The following RAPGEF4 variants were observed in gnomAD, a reference collection of about 807,000 sequenced individuals.
RAPGEF4 encodes the protein Rap guanine nucleotide exchange factor 4.
RAPGEF4 carries 66 observed loss-of-function variants against 147.9 expected under a neutral mutation model. The ratio of observed to expected loss-of-function variants is 0.45; its 90% CI spans 0.37 to 0.55. RAPGEF4 has a LOEUF of 0.55. Ranked by LOEUF, RAPGEF4 falls within the 20% of genes least tolerant of loss-of-function variation. The probability of loss-of-function intolerance (pLI) is 0.00; values close to 1 mark genes in which losing one functional copy is unlikely to be tolerated. For synonymous variants in RAPGEF4, 419 were observed against 442.7 expected (o/e 0.95, Z 0.67); for missense variants, 1,071 against 1,257.3 (o/e 0.85, Z 2.24).
chr2:172,788,743 A>C (rs1227911626), intron 1 of RAPGEF4, among the ~76,000 whole-genome samples: 1 of 151,982 alleles, frequency 6.6e-6, no homozygotes, highest in Non-Finnish European at 1.5e-5. Flanking sequence ...AAAATAAAAA[A>C]ATTAGAAGAG....
At chr2:172,894,902 ATT>A (rs962756774) in intron 4 of RAPGEF4, among the ~76,000 whole-genome samples, 2 of 152,106 alleles carry the variant, frequency 1.3e-5, no homozygotes, top group African/African-American at 4.8e-5. Context: ...CGTAGTAATT[ATT>A]GCAGAATTGG....
At chr2:172,988,545 A>G (rs1692501891) in intron 13 of RAPGEF4, 148 bp from the exon 14 acceptor site, 6 of 1,097,802 alleles carry the variant, frequency 5.5e-6, no homozygotes, top group African/African-American at 1.6e-5. Flanking sequence ...TGAACATCAT[A>G]ATGTAATTAT....
chr2:172,994,598 G>T (rs1367454202), intron 15 of RAPGEF4, among the ~76,000 whole-genome samples: 2 of 152,224 alleles, frequency 1.3e-5, no homozygotes, highest in Non-Finnish European at 2.9e-5. Flanking sequence ...GACAGATGTT[G>T]CTCTCTCTAA....
intron 4 of RAPGEF4, among the ~76,000 whole-genome samples, chr2:172,882,177 T>C (rs959621914): frequency 2.6e-5 from 4 of 152,234 alleles, no homozygotes; most frequent in Non-Finnish European, 4.4e-5. Context: ...CAGCATGAAA[T>C]GCCTTGTGAT....
At chr2:172,948,929 C>T (rs1225932773) in intron 6 of RAPGEF4, among the ~76,000 whole-genome samples, 1 of 152,138 alleles carries the variant, frequency 6.6e-6, no homozygotes, top group African/African-American at 2.4e-5. Context: ...TATAACAAAC[C>T]TGCATATGTA....
chr2:172,922,218 A>T, intron 5 of RAPGEF4, 63 bp from the exon 6 acceptor site: 10 of 1,530,380 alleles, frequency 6.5e-6, no homozygotes, highest in Non-Finnish European at 9.0e-6. Flanking sequence ...CAAAATTTCA[A>T]TTCCACTTTA....
At chr2:172,863,589 A>C (rs945070691) in intron 4 of RAPGEF4, among the ~76,000 whole-genome samples, 6 of 152,248 alleles carry the variant, frequency 3.9e-5, no homozygotes, top group African/African-American at 1.4e-4. Flanking sequence ...ATGGGAGCCA[A>C]AAGATGGCTA....
At chr2:173,005,045 A>T (rs1424160477) in intron 17 of RAPGEF4, among the ~76,000 whole-genome samples, 1 of 152,268 alleles carries the variant, frequency 6.6e-6, no homozygotes, top group East Asian at 1.9e-4. Flanking sequence ...AATGACTATT[A>T]TATTAATAGA....
chr2:172,937,926 G>A (rs1473570967), intron 6 of RAPGEF4, among the ~76,000 whole-genome samples: 1 of 151,880 alleles, frequency 6.6e-6, no homozygotes, highest in Admixed American at 6.6e-5. Context: ...TCTTTCCCTT[G>A]GCTCCTGTAT....
At chr2:172,980,239 A>C (rs757790159) in intron 10 of RAPGEF4, among the ~76,000 whole-genome samples, 1 of 152,168 alleles carries the variant, frequency 6.6e-6, no homozygotes, top group Admixed American at 6.5e-5. Flanking sequence ...TCTGGTTTCC[A>C]GGAGCGTTGT....
At chr2:172,916,893 T>A (rs1008147799) in intron 4 of RAPGEF4, among the ~76,000 whole-genome samples, 4 of 152,224 alleles carry the variant, frequency 2.6e-5, no homozygotes, top group Non-Finnish European at 4.4e-5. Flanking sequence ...ATTCTTTTGA[T>A]GCTATTTAAC....
intron 4 of RAPGEF4, among the ~76,000 whole-genome samples, chr2:172,836,013 G>C (rs1690885777): frequency 6.6e-6 from 1 of 152,086 alleles, no homozygotes; most frequent in Admixed American, 6.5e-5. Context: ...GGTGATAGTT[G>C]TAATTACTCC....
intron 4 of RAPGEF4, among the ~76,000 whole-genome samples, chr2:172,899,591 T>A (rs1413027430): frequency 6.6e-6 from 1 of 152,118 alleles, no homozygotes; most frequent in East Asian, 1.9e-4. Flanking sequence ...TGGCCAGTGA[T>A]CCAAATGACA....
chr2:172,794,112 G>A (rs1280610221), intron 1 of RAPGEF4, among the ~76,000 whole-genome samples: 1 of 151,650 alleles, frequency 6.6e-6, no homozygotes, highest in Non-Finnish European at 1.5e-5. Context: ...GGGTGACAAA[G>A]TGAGCCTATA....
At chr2:172,819,880 G>A (rs1478441373) in intron 4 of RAPGEF4, among the ~76,000 whole-genome samples, 1 of 152,208 alleles carries the variant, frequency 6.6e-6, no homozygotes, top group Non-Finnish European at 1.5e-5. Context: ...AAGTTTGGGA[G>A]TTTAAAGCAG....
rs538489971 is a variant in RAPGEF4 at position 172,866,499 on chromosome 2, A to G, written c.445-51303A>G. Among the ~76,000 whole-genome samples the G allele has an allele frequency of 1.8e-4, 27 of 152,234 alleles. No individual in the cohort carries two copies. In the South Asian group the frequency reaches 4.8e-3, roughly 27 times the overall value. On this transcript the variant is annotated intron_variant, in intron 4 of 30. Transcript: ENST00000397081. ...CACTATTAAAATATAAGTCGTATTC[A>G]GGGGCACTCTTCTGACTTTGGGAGA...
In RAPGEF4 at chr2:173,030,216, A is replaced by C; in HGVS notation, c.2611A>C (p.Ser871Arg). 2 of 1,613,852 alleles carry C rather than the reference A, an allele frequency of 1.2e-6. No homozygotes were observed. Among genetic ancestry groups the C allele is most frequent in the Non-Finnish European group, 1.7e-6 (2 of 1,179,696 alleles). ...CTTTTTTGCCATCGTCATGGGACTAAGTAACGTTGCTGTGAGCCGCTTGGC... is the reference window on the plus strand; with the variant it reads ...CTTTTTTGCCATCGTCATGGGACTACGTAACGTTGCTGTGAGCCGCTTGGC... The part of the protein sequence containing the change: ...NSFFAIVMGL[S>R]NVAVSRLALT... The change falls in exon 26 of 31, where the codon AGT becomes CGT. Residue 871 changes from serine (S) to arginine (R), a missense_variant. Transcript: ENST00000397081.
At chr2:172,820,038 A>G (rs1320159016) in intron 4 of RAPGEF4, among the ~76,000 whole-genome samples, 4 of 152,190 alleles carry the variant, frequency 2.6e-5, no homozygotes, top group South Asian at 4.1e-4. Context: ...CTAGAACAAA[A>G]CAGTGAAGGT....
At chr2:172,808,082 A>G (rs1232288602) in intron 3 of RAPGEF4, among the ~76,000 whole-genome samples, 2 of 152,252 alleles carry the variant, frequency 1.3e-5, no homozygotes, top group Admixed American at 6.5e-5. Context: ...GCTGATGCTT[A>G]TAGACATTAT....
Sources: gnomAD v4.1 joint callset for allele counts (sites outside exome capture counted in the v4.1 genomes callset) on GRCh38, gnomAD v4.1.1 for gene constraint, MANE v1.5 for transcripts, NCBI Gene and HGNC (gene_info 2026-07-23, HGNC 2026-07-21) for gene names.